Variants in ARG2 observed in about 807,000 individuals in gnomAD.
ARG2 encodes arginase-2, mitochondrial.
Under a neutral mutation model 39.4 loss-of-function variants are expected in ARG2, and 21 were observed. That is an observed-to-expected ratio of 0.53 (90% CI 0.38 to 0.77). The LOEUF is 0.77. Ranked by LOEUF, ARG2 falls within the 30% of genes least tolerant of loss-of-function variation. ARG2 has a pLI of 0.00. For synonymous variants in ARG2, 150 were observed against 156.7 expected (o/e 0.96, Z 0.32); for missense variants, 378 against 426.2 (o/e 0.89, Z 1.00).
At chr14:67,625,942 A>T (rs1776309451) in intron 2 of ARG2, among the ~76,000 whole-genome samples, 1 of 152,110 alleles carries the variant, frequency 6.6e-6, no homozygotes, top group South Asian at 2.1e-4. Flanking sequence ...CACATTAGTC[A>T]TTACGGAAAT....
intron 3 of ARG2, 48 bp downstream of exon 3, chr14:67,642,411 G>A (rs998151258): frequency 6.3e-7 from 1 of 1,590,224 alleles, no homozygotes; most frequent in Admixed American, 1.7e-5. Context: ...CATGGTGCTT[G>A]GGGCTCATAA....
At chr14:67,637,274 G>A (rs1163229018) in intron 2 of ARG2, among the ~76,000 whole-genome samples, 2 of 151,964 alleles carry the variant, frequency 1.3e-5, no homozygotes, top group Admixed American at 6.6e-5. Context: ...GCTGGGCATG[G>A]TGGTGCATGC....
In ARG2 at chr14:67,648,082, A is replaced by T. The variant is rs1177494953; in HGVS notation, c.758A>T (p.Asp253Val). ...CCAATCCATTTGAGTTTTGATATTG[A>T]TGCATTTGACCCTACACTGGCTCCA... The part of the protein sequence containing the change: ...QRPIHLSFDI[D>V]AFDPTLAPAT... Residue 253 changes from aspartate (D) to valine (V), a missense_variant, in exon 7 of 8, where the codon GAT (aspartate) becomes GTT (valine). Transcript: ENST00000261783. 1 of 1,613,742 alleles carries T rather than the reference A, an allele frequency of 6.2e-7. No homozygotes were observed. Among genetic ancestry groups the T allele is most frequent in the Non-Finnish European group, 8.5e-7 (1 of 1,179,766 alleles).
intron 2 of ARG2, among the ~76,000 whole-genome samples, chr14:67,630,814 A>T (rs2036911294): frequency 6.6e-6 from 1 of 152,102 alleles, no homozygotes; most frequent in Admixed American, 6.5e-5. Context: ...GGAACTCCTG[A>T]CCTTGTGATC....
chr14:67,623,125 T>C (rs2036828357), intron 2 of ARG2, among the ~76,000 whole-genome samples: 1 of 152,168 alleles, frequency 6.6e-6, no homozygotes, highest in South Asian at 2.1e-4. Flanking sequence ...GACTGGTAGC[T>C]CAGTATCACC....
chr14:67,639,718 C>T (rs1227979856), intron 2 of ARG2, among the ~76,000 whole-genome samples: 3 of 151,914 alleles, frequency 2.0e-5, no homozygotes, highest in South Asian at 2.1e-4. Context: ...GTCAGGAGTT[C>T]GAGACCAGCC....
chr14:67,636,889 G>A (rs2140750838), intron 2 of ARG2, among the ~76,000 whole-genome samples: 1 of 152,322 alleles, frequency 6.6e-6, no homozygotes, highest in East Asian at 1.9e-4. Flanking sequence ...AGAAGAAAGA[G>A]CAGCAATGAA....
chr14:67,625,163 A>C (rs1045602260), intron 2 of ARG2, among the ~76,000 whole-genome samples: 2 of 152,198 alleles, frequency 1.3e-5, no homozygotes, highest in Non-Finnish European at 2.9e-5. Flanking sequence ...ACATTAAAAA[A>C]AAAAAAATCC....
intron 2 of ARG2, among the ~76,000 whole-genome samples, chr14:67,632,585 A>G (rs1594824305): frequency 1.3e-5 from 2 of 152,234 alleles, no homozygotes; most frequent in East Asian, 3.9e-4. Flanking sequence ...ACCCTTCTGT[A>G]GGAACTGAGA....
intron 3 of ARG2, among the ~76,000 whole-genome samples, chr14:67,642,803 T>TTTTTC (rs1555381571): frequency 0.012 from 1,525 of 125,922 alleles, 93 homozygotes; most frequent in African/African-American, 0.044. Flanking sequence ...CTTTTTTTTT[T>TTTTTC]TTTTTTTTTT....
chr14:67,647,035 T>A lies in ARG2; in HGVS notation c.722+10T>A, dbSNP rs573030314. 1 of 1,570,938 alleles carries A rather than the reference T, an allele frequency of 6.4e-7. No individual in the cohort carries two copies. Among genetic ancestry groups the A allele is most frequent in the African/African-American group, 1.3e-5 (1 of 74,082 alleles). ...ATCTGCTGATTGGCAAGTAAGTAAC[T>A]ATAACTGATGTCAGGGCAAACCCCC... is the stretch of plus-strand genomic sequence containing the variant. On this transcript the variant is annotated intron_variant, in intron 6 of 7. Transcript: ENST00000261783.
Position 67,620,199 on chromosome 14 carries a change from T to C in ARG2, c.111+111T>C. On this transcript the variant is annotated intron_variant, in intron 1 of 7. Transcript: ENST00000261783. ...GAGGCGAGGAGAGGATGGGGAGAAA[T>C]GGCGAGGGGAAGAGCTGGCCGGTTC... 1.0e-5 allele frequency: 5 copies of C among 476,424 alleles called. 1 individual carries two copies. Among genetic ancestry groups the C allele is most frequent in the South Asian group, 9.1e-5 (4 of 43,780 alleles). 29.5% of individuals were successfully genotyped at this position (476,424 alleles called of 1,614,324 possible). A position where few individuals can be genotyped will look rare whatever the true frequency, so the allele number is the denominator to read the frequency against.
intron 2 of ARG2, among the ~76,000 whole-genome samples, chr14:67,635,461 C>T (rs915197175): frequency 3.3e-5 from 5 of 152,346 alleles, no homozygotes; most frequent in African/African-American, 1.2e-4. Context: ...TCCCCACCCT[C>T]CAGTTTAGAC....
chr14:67,639,761 A>G (rs369785576), intron 2 of ARG2, among the ~76,000 whole-genome samples: 2 of 152,100 alleles, frequency 1.3e-5, no homozygotes, highest in East Asian at 3.9e-4. Flanking sequence ...TCTCTACTAA[A>G]AATACAAAAA....
intron 7 of ARG2, 52 bp downstream of exon 7, chr14:67,648,235 G>C (rs1048530926): frequency 8.3e-6 from 13 of 1,560,288 alleles, no homozygotes; most frequent in African/African-American, 1.4e-5. Context: ...AAATATGCTA[G>C]AGTCTCTTGC....
intron 2 of ARG2, among the ~76,000 whole-genome samples, chr14:67,627,304 TATTG>T (rs1399142315): frequency 6.8e-6 from 1 of 147,924 alleles, no homozygotes; most frequent in African/African-American, 2.5e-5. Flanking sequence ...GAATTGCTAA[TATTG>T]ATCTGTTTTG....
rs113232043 is a variant in ARG2 at position 67,633,646 on chromosome 14, T to A, written c.185-8540T>A. 1.2e-3 allele frequency among the ~76,000 whole-genome samples: 180 copies of A among 152,310 alleles called. 2 individuals are homozygous for A. The highest frequency in any genetic ancestry group is 4.2e-3 in the African/African-American group (174 of 41,570). On this transcript the variant is annotated intron_variant, in intron 2 of 7. Coordinates refer to ENST00000261783, the MANE Select transcript of ARG2 (RefSeq NM_001172.4). The stretch of plus-strand genomic sequence containing the variant: ...TCTACACTGCTGTCTGAGCACTAGA[T>A]CCAAAATGCAGATTTGATTTGTCTT...
At chr14:67,636,919 C>G (rs1472509399) in intron 2 of ARG2, among the ~76,000 whole-genome samples, 2 of 152,226 alleles carry the variant, frequency 1.3e-5, no homozygotes, top group African/African-American at 2.4e-5. Context: ...CTCATCTGAC[C>G]TGGACTTACA....
At chr14:67,635,094 AT>A (rs932254325) in intron 2 of ARG2, among the ~76,000 whole-genome samples, 6 of 152,046 alleles carry the variant, frequency 3.9e-5, no homozygotes, top group Non-Finnish European at 8.8e-5. Context: ...AAAAATATAA[AT>A]TAGCCAGGTA....
Sources: allele counts gnomAD v4.1 joint callset (sites outside exome capture counted in the v4.1 genomes callset), GRCh38; gene constraint gnomAD v4.1.1; transcripts MANE v1.5; gene names NCBI Gene and HGNC (gene_info 2026-07-23, HGNC 2026-07-21).